The following STK3 variants were observed in gnomAD, a reference collection of about 807,000 sequenced individuals.
STK3 encodes the protein serine/threonine kinase 3.
Under a neutral mutation model 58.0 loss-of-function variants are expected in STK3, and 41 were observed. That is an observed-to-expected ratio of 0.71 (90% CI 0.55 to 0.92). STK3 has a LOEUF of 0.92. STK3 is among the 40% of genes least tolerant of loss of function. The pLI is 0.00. For synonymous variants in STK3, 170 were observed against 191.0 expected, an observed-to-expected ratio of 0.89 and a Z score of 0.91; for missense variants, 479 against 602.7, an observed-to-expected ratio of 0.79 and a Z score of 2.15.
intron 2 of STK3, among the ~76,000 whole-genome samples, chr8:98,770,488 T>C (rs936843938): frequency 1.3e-5 from 2 of 152,114 alleles, no homozygotes; most frequent in African/African-American, 4.8e-5. Context: ...GCTCAAACAG[T>C]TGGGGGTGTC....
chr8:98,606,593 T>C (rs953401695), intron 6 of STK3, among the ~76,000 whole-genome samples: 2 of 152,208 alleles, frequency 1.3e-5, no homozygotes, highest in African/African-American at 2.4e-5. Flanking sequence ...GGTGAGTGGA[T>C]ACTAAAGACT....
At chr8:98,736,096 T>C (rs1563943459) in intron 4 of STK3, among the ~76,000 whole-genome samples, 1 of 152,268 alleles carries the variant, frequency 6.6e-6, no homozygotes, top group East Asian at 1.9e-4. Flanking sequence ...GCCTACCTAA[T>C]AGTCAAAATA....
chr8:98,614,815 C>A (rs185515774), intron 6 of STK3, among the ~76,000 whole-genome samples: 259 of 152,266 alleles, frequency 1.7e-3, no homozygotes, highest in African/African-American at 6.0e-3. Context: ...CCTACACCCA[C>A]AGAATCTCGC....
At chr8:98,586,967 A>G (rs1427697147) in intron 7 of STK3, among the ~76,000 whole-genome samples, 10 of 151,544 alleles carry the variant, frequency 6.6e-5, no homozygotes, top group South Asian at 2.1e-4. Context: ...TTTTTATTGC[A>G]TCTATTTGAT....
downstream of STK3, among the ~76,000 whole-genome samples, chr8:98,449,894 G>A (rs763719781): frequency 4.6e-5 from 7 of 152,080 alleles, no homozygotes; most frequent in African/African-American, 7.2e-5. Flanking sequence ...AAACACACTC[G>A]CTTTCCCTTT....
intron 1 of STK3, among the ~76,000 whole-genome samples, chr8:98,777,420 T>G (rs1032496905): frequency 7.3e-5 from 11 of 151,654 alleles, no homozygotes; most frequent in African/African-American, 2.4e-4. Flanking sequence ...CCCAGCTACT[T>G]GGGAGACTGA....
intron 1 of STK3, among the ~76,000 whole-genome samples, chr8:98,917,791 C>T (rs905624631): frequency 2.0e-5 from 3 of 152,206 alleles, no homozygotes; most frequent in African/African-American, 7.2e-5. Flanking sequence ...CTGTAAATTG[C>T]AGATTCCACC....
intron 1 of STK3, among the ~76,000 whole-genome samples, chr8:98,891,292 G>A (rs888467833): frequency 3.3e-5 from 5 of 152,180 alleles, no homozygotes; most frequent in East Asian, 3.8e-4. Context: ...CTTTTAAAAA[G>A]CATTTAAGGC....
At chr8:98,878,036 G>GCAA (rs946675222) in intron 3 of STK3, among the ~76,000 whole-genome samples, 1 of 151,102 alleles carries the variant, frequency 6.6e-6, no homozygotes, top group Non-Finnish European at 1.5e-5. Flanking sequence ...TGCAACAACA[G>GCAA]CAACAACAAC....
At chr8:98,592,918 C>G (rs1375439259) in intron 7 of STK3, among the ~76,000 whole-genome samples, 1 of 152,064 alleles carries the variant, frequency 6.6e-6, no homozygotes, top group Non-Finnish European at 1.5e-5. Flanking sequence ...CGTGCACCAC[C>G]ATGTCTGGCT....
At chr8:98,557,506 G>T (rs541181927) in intron 8 of STK3, among the ~76,000 whole-genome samples, 1 of 152,120 alleles carries the variant, frequency 6.6e-6, no homozygotes, top group East Asian at 1.9e-4. Flanking sequence ...GCCCACAGTA[G>T]ATCAACTGGT....
At position 98,444,799 on chromosome 8, in the gene STK3, C is replaced by T. The variant is rs190560162; in HGVS notation, n.186-7591G>A. On this transcript the variant is annotated intron_variant and non_coding_transcript_variant, in intron 1 of 3. Transcript: ENST00000517832. ...AAGGCAGTAATTTGGGAATCATTTG[C>T]ACATGAGTTACTAAACTGAGTTTGA... 1.7e-3 allele frequency among the ~76,000 whole-genome samples: 260 copies of T among 152,250 alleles called. 4 individuals are homozygous for T. Among genetic ancestry groups the T allele is most frequent in the Non-Finnish European group, 5.9e-5 (4 of 68,014 alleles).
chr8:98,450,128 G>T (rs545683122), downstream of STK3, among the ~76,000 whole-genome samples: 1 of 152,258 alleles, frequency 6.6e-6, no homozygotes, highest in South Asian at 2.1e-4. Context: ...CGTGTATAGA[G>T]AATACTTTAA....
At chr8:98,751,278 T>G (rs1829962964) in intron 3 of STK3, among the ~76,000 whole-genome samples, 2 of 152,036 alleles carry the variant, frequency 1.3e-5, no homozygotes, top group South Asian at 2.1e-4. Context: ...GAGAAAGAAA[T>G]AAAGGTCATC....
At chr8:98,863,935 G>A (rs961045751) in intron 3 of STK3, among the ~76,000 whole-genome samples, 5 of 152,012 alleles carry the variant, frequency 3.3e-5, no homozygotes, top group Non-Finnish European at 5.9e-5. Flanking sequence ...GGTGGCTCAC[G>A]CCTGTAATCC....
chr8:98,575,342 GTT>G (rs71572017), intron 8 of STK3, among the ~76,000 whole-genome samples: 3 of 143,290 alleles, frequency 2.1e-5, no homozygotes, highest in African/African-American at 2.6e-5. Context: ...CTAGTGACTT[GTT>G]TTTTTTTTTT....
At chr8:98,475,075 T>C (rs1413763700) in intron 10 of STK3, among the ~76,000 whole-genome samples, 1 of 152,232 alleles carries the variant, frequency 6.6e-6, no homozygotes, top group African/African-American at 2.4e-5. Flanking sequence ...TCAATATTAA[T>C]AATTAAAGAC....
chr8:98,511,423 T>C (rs750152531), intron 10 of STK3, among the ~76,000 whole-genome samples: 10 of 152,062 alleles, frequency 6.6e-5, no homozygotes, highest in African/African-American at 2.2e-4. Flanking sequence ...AAAAAAAGAC[T>C]ATATTTTAAA....
At chr8:98,745,854 A>G (rs1829606311) in intron 4 of STK3, among the ~76,000 whole-genome samples, 1 of 152,220 alleles carries the variant, frequency 6.6e-6, no homozygotes, top group African/African-American at 2.4e-5. Context: ...TCATTAGGCA[A>G]CTTCATCATT....
Sources: gnomAD v4.1 joint callset for allele counts (sites outside exome capture counted in the v4.1 genomes callset) on GRCh38, gnomAD v4.1.1 for gene constraint, MANE v1.5 for transcripts, NCBI Gene and HGNC (gene_info 2026-07-23, HGNC 2026-07-21) for gene names.